FRAS1: variants seen among roughly 807,000 people sequenced by gnomAD.
The protein encoded by FRAS1 is extracellular matrix organizing protein FRAS1.
Under a neutral mutation model 435.2 loss-of-function variants are expected in FRAS1, and 290 were observed. That is an observed-to-expected ratio of 0.67 (90% CI 0.61 to 0.73). The LOEUF is 0.73. Among genes scored for constraint, FRAS1 ranks in the 30% least tolerant of loss-of-function variants. The pLI is 0.00. For synonymous variants in FRAS1, 1,800 were observed against 1,851.0 expected, an observed-to-expected ratio of 0.97 and a Z score of 0.71; for missense variants, 4,860 against 5,001.5, an observed-to-expected ratio of 0.97 and a Z score of 0.85.
intron 2 of FRAS1, among the ~76,000 whole-genome samples, chr4:78,129,068 T>C (rs1346832315): frequency 1.3e-5 from 2 of 152,244 alleles, no homozygotes; most frequent in Non-Finnish European, 2.9e-5. Flanking sequence ...TAGTTGTAGA[T>C]ATGCGGCATT....
chr4:78,065,081 T>TATATATATATACAC (rs762909923), intron 1 of FRAS1, among the ~76,000 whole-genome samples: 125 of 125,680 alleles, frequency 9.9e-4, no homozygotes, highest in African/African-American at 2.8e-3. Flanking sequence ...TATATATATA[T>TATATATATATACAC]ATACATACAC....
chr4:78,539,563 C>A, intron 73 of FRAS1, 123 bp downstream of exon 73: 1 of 975,490 alleles, frequency 1.0e-6, no homozygotes, highest in Non-Finnish European at 1.5e-6. Context: ...TTCTTGCTGG[C>A]AGATCTTTTC....
chr4:78,094,558 G>A (rs1741697885), intron 2 of FRAS1, among the ~76,000 whole-genome samples: 1 of 151,942 alleles, frequency 6.6e-6, no homozygotes, highest in Non-Finnish European at 1.5e-5. Flanking sequence ...AATATAGAGT[G>A]TTCTAATATA....
At chr4:78,123,255 T>C (rs1188604360) in intron 2 of FRAS1, among the ~76,000 whole-genome samples, 1 of 152,242 alleles carries the variant, frequency 6.6e-6, no homozygotes, top group East Asian at 1.9e-4. Context: ...ATTGCTTTTA[T>C]GTGTCAGGTT....
At chr4:78,295,748 C>G (rs1165217483) in intron 14 of FRAS1, among the ~76,000 whole-genome samples, 1 of 141,198 alleles carries the variant, frequency 7.1e-6, no homozygotes, top group Admixed American at 7.1e-5. Flanking sequence ...ATATTTCCTT[C>G]TTTTTTTTTT....
intron 32 of FRAS1, among the ~76,000 whole-genome samples, chr4:78,417,055 A>G (rs962300264): frequency 6.6e-6 from 1 of 152,168 alleles, no homozygotes; most frequent in African/African-American, 2.4e-5. Context: ...ATTTCTTACT[A>G]TGTTTAATTG....
chr4:78,214,499 T>A lies in FRAS1; in HGVS notation c.109-23011T>A, dbSNP rs181319994. 3.1e-3 allele frequency among the ~76,000 whole-genome samples: 468 copies of A among 152,352 alleles called. 1 individual carries two copies. The highest frequency in any genetic ancestry group is 5.4e-3 in the Non-Finnish European group (364 of 68,016). ...AGTCTTCCTTCATCTGCCTTTCCCA[T>A]TTTTAATTTTTTAGCTGGAAATTTT... On this transcript the variant is annotated intron_variant, in intron 2 of 73. Coordinates refer to ENST00000512123, the MANE Select transcript of FRAS1 (RefSeq NM_025074.7).
chr4:78,205,238 G>GTTGC (rs1286813685), intron 2 of FRAS1, among the ~76,000 whole-genome samples: 1 of 127,244 alleles, frequency 7.9e-6, no homozygotes, highest in East Asian at 2.2e-4. Context: ...ATCTTTCTCT[G>GTTGC]TTGCTCAGGC....
At chr4:78,422,047 C>T (rs747096715) in intron 34 of FRAS1, 47 bp downstream of exon 34, 2 of 1,556,032 alleles carry the variant, frequency 1.3e-6, no homozygotes, top group Non-Finnish European at 1.7e-6. Context: ...CTCTCTGTGG[C>T]TCTACATGAC....
intron 40 of FRAS1, among the ~76,000 whole-genome samples, chr4:78,439,827 C>T (rs988218927): frequency 1.9e-4 from 29 of 151,942 alleles, no homozygotes; most frequent in African/African-American, 6.8e-4. Flanking sequence ...TTTTCTACTA[C>T]ATAAAGAATT....
chr4:78,271,174 C>G (rs1726658102), intron 9 of FRAS1, among the ~76,000 whole-genome samples: 1 of 152,016 alleles, frequency 6.6e-6, no homozygotes, highest in African/African-American at 2.4e-5. Flanking sequence ...TCTGTTTATG[C>G]AAATTTATAT....
chr4:78,290,289 A>G (rs898158122), intron 14 of FRAS1, among the ~76,000 whole-genome samples: 3 of 152,272 alleles, frequency 2.0e-5, no homozygotes, highest in Admixed American at 2.0e-4. Flanking sequence ...CTTAAAACTT[A>G]TTTTATTCAC....
In FRAS1 at chr4:78,284,688, A is replaced by G. The variant is rs150691796; in HGVS notation, c.1399+140A>G. On this transcript the variant is annotated intron_variant, in intron 13 of 73. Coordinates refer to ENST00000512123, the MANE Select transcript of FRAS1 (RefSeq NM_025074.7). Reference sequence around the variant, plus strand: ...CATGTTTTTGAGATGCACAACGTCTAAAAACCTCTAGAAGGTAGTAATGTC... The same window carrying G: ...CATGTTTTTGAGATGCACAACGTCTGAAAACCTCTAGAAGGTAGTAATGTC... 5.5e-4 allele frequency: 388 copies of G among 702,642 alleles called. 3 individuals carry two copies. In the African/African-American group the frequency reaches 6.4e-3, roughly 12 times the overall value. 43.5% of individuals were successfully genotyped at this position (702,642 alleles called of 1,614,324 possible).
At chr4:78,475,952 G>C (rs989994878) in intron 54 of FRAS1, among the ~76,000 whole-genome samples, 1 of 152,214 alleles carries the variant, frequency 6.6e-6, no homozygotes, top group African/African-American at 2.4e-5. Flanking sequence ...GGAGAGAAGA[G>C]AGTGTGTAAG....
chr4:78,368,585 A>G (rs1479507784), intron 22 of FRAS1, among the ~76,000 whole-genome samples: 1 of 152,236 alleles, frequency 6.6e-6, no homozygotes, highest in Non-Finnish European at 1.5e-5. Flanking sequence ...GACTAACATT[A>G]CAAGGAACAA....
intron 38 of FRAS1, among the ~76,000 whole-genome samples, chr4:78,437,275 T>A (rs554620663): frequency 6.6e-6 from 1 of 152,216 alleles, no homozygotes; most frequent in Admixed American, 6.5e-5. Flanking sequence ...GTCCTTATAG[T>A]TTATCAGCAA....
At chr4:78,430,443 C>T (rs537232911) in intron 37 of FRAS1, 26 bp downstream of exon 37, 4 of 1,597,348 alleles carry the variant, frequency 2.5e-6, no homozygotes, top group East Asian at 2.2e-5. Flanking sequence ...CACACTCTGT[C>T]ACTGACCTGC....
chr4:78,343,275 A>G (rs932909899), intron 20 of FRAS1, among the ~76,000 whole-genome samples: 1 of 150,050 alleles, frequency 6.7e-6, no homozygotes, highest in Non-Finnish European at 1.5e-5. Context: ...AGCCTCTTAC[A>G]GGGTTAGCCA....
chr4:78,476,907 T>C (rs972373175), intron 54 of FRAS1, among the ~76,000 whole-genome samples: 6 of 152,082 alleles, frequency 3.9e-5, no homozygotes, highest in African/African-American at 1.2e-4. Flanking sequence ...CAAAGTATAG[T>C]CCAGGCTCAT....
Sources: allele counts gnomAD v4.1 joint callset (sites outside exome capture counted in the v4.1 genomes callset), GRCh38; gene constraint gnomAD v4.1.1; transcripts MANE v1.5; gene names NCBI Gene and HGNC (gene_info 2026-07-23, HGNC 2026-07-21).